PTN: variants seen among roughly 807,000 people sequenced by gnomAD.
PTN encodes pleiotrophin, also known as heparin affin regulatory protein.
A neutral mutation model predicts 24.1 loss-of-function variants in PTN; 18 were observed. The ratio of observed to expected loss-of-function variants is 0.75; its 90% CI spans 0.52 to 1.11. PTN has a LOEUF of 1.11. Among genes scored for constraint, PTN ranks in the 50% least tolerant of loss-of-function variants. PTN has a pLI of 0.00. For synonymous variants in PTN, 78 were observed against 68.6 expected, an observed-to-expected ratio of 1.14 and a Z score of -0.67; for missense variants, 163 against 198.8, an observed-to-expected ratio of 0.82 and a Z score of 1.08.
At chr7:137,251,153 C>T (rs1308358594) in intron 4 of PTN, 77 bp downstream of exon 4, 1 of 1,507,772 alleles carries the variant, frequency 6.6e-7, no homozygotes, top group African/African-American at 1.4e-5. Flanking sequence ...ATATTTCCTT[C>T]TGGAAAATGT....
At chr7:137,309,715 T>C (rs998919808) in intron 1 of PTN, among the ~76,000 whole-genome samples, 1 of 152,222 alleles carries the variant, frequency 6.6e-6, no homozygotes, top group Non-Finnish European at 1.5e-5. Context: ...ACTCCTCATC[T>C]GTTCAAGTTT....
In PTN at chr7:137,266,072, G is replaced by T. The variant is rs557909879; in HGVS notation, c.-1-11098C>A. Among the ~76,000 whole-genome samples, 5 of 152,110 alleles carry T rather than the reference G, an allele frequency of 3.3e-5. No homozygotes were observed. The South Asian group carries it at 1.0e-3, about 32-fold the overall frequency. ...TAGACATATTTATCTAATTTTTAAT[G>T]TTTGATCATAAGTAAGATTTTATAG... On this transcript the variant is annotated intron_variant, in intron 1 of 4. Transcript: ENST00000348225.
chr7:137,260,104 C>G (rs1268340767), intron 1 of PTN, among the ~76,000 whole-genome samples: 1 of 152,040 alleles, frequency 6.6e-6, no homozygotes, highest in African/African-American at 2.4e-5. Flanking sequence ...TGTCTCTGCC[C>G]TTTGTCAATA....
chr7:137,268,607 A>G lies in PTN; in HGVS notation c.-1-13633T>C, dbSNP rs538322992. 2.6e-5 allele frequency among the ~76,000 whole-genome samples: 4 copies of G among 152,344 alleles called. No individual in the cohort carries two copies. The South Asian group carries it at 8.3e-4, about 32-fold the overall frequency. Reference sequence around the variant, plus strand: ...AACAGAACAGAACGGGAGGTTTCACAGTGTCCTTCCATACAATGTCTGGAA... The same window carrying G: ...AACAGAACAGAACGGGAGGTTTCACGGTGTCCTTCCATACAATGTCTGGAA... On this transcript the variant is annotated intron_variant, in intron 1 of 4. Transcript: ENST00000348225.
intron 4 of PTN, among the ~76,000 whole-genome samples, chr7:137,249,603 C>A (rs1380904236): frequency 6.6e-6 from 1 of 152,054 alleles, no homozygotes; most frequent in Non-Finnish European, 1.5e-5. Flanking sequence ...TACAGCTGGA[C>A]TAAAAATAAA....
In PTN at chr7:137,228,106, G is replaced by C. The variant is rs771635810; in HGVS notation, c.452-31C>G. On this transcript the variant is annotated intron_variant, in intron 4 of 4. Transcript: ENST00000348225. Reference sequence around the variant, plus strand: ...ATTACAAAAAAGAGAGACAGAAAGAGAGAAAGAGAAAAATGTCAAGTTACT... The same window carrying C: ...ATTACAAAAAAGAGAGACAGAAAGACAGAAAGAGAAAAATGTCAAGTTACT... 4 of 1,362,734 alleles carry C rather than the reference G, an allele frequency of 2.9e-6. No homozygotes were observed. The African/African-American group carries it at 4.4e-5, about 15-fold the overall frequency. 84.4% of individuals were successfully genotyped at this position (1,362,734 alleles called of 1,614,324 possible). A position where few individuals can be genotyped will look rare whatever the true frequency, so the allele number is the denominator to read the frequency against.
intron 1 of PTN, among the ~76,000 whole-genome samples, chr7:137,340,511 G>A (rs1013546260): frequency 6.6e-6 from 1 of 152,134 alleles, no homozygotes; most frequent in African/African-American, 2.4e-5. Flanking sequence ...ACGAGGCCAT[G>A]GCCCAAATTC....
At chr7:137,259,278 T>G (rs931169008) in intron 1 of PTN, among the ~76,000 whole-genome samples, 1 of 152,104 alleles carries the variant, frequency 6.6e-6, no homozygotes, top group African/African-American at 2.4e-5. Flanking sequence ...TTCAAGATGG[T>G]AATATCTAAA....
chr7:137,309,520 A>G (rs1809946610), intron 1 of PTN, among the ~76,000 whole-genome samples: 3 of 152,160 alleles, frequency 2.0e-5, no homozygotes, highest in Admixed American at 6.5e-5. Flanking sequence ...GTGTTTGATA[A>G]CATTTTACCC....
chr7:137,240,252 G>C (rs983675420), intron 4 of PTN, among the ~76,000 whole-genome samples: 5 of 152,122 alleles, frequency 3.3e-5, no homozygotes, highest in Non-Finnish European at 5.9e-5. Context: ...CAGTCAGAGG[G>C]AAGGAACCGT....
intron 1 of PTN, among the ~76,000 whole-genome samples, chr7:137,331,796 T>C (rs1810363917): frequency 1.3e-5 from 2 of 152,198 alleles, no homozygotes; most frequent in South Asian, 4.1e-4. Context: ...CTTAGATATA[T>C]GGAAGGGTCC....
chr7:137,252,201 G>T (rs931023466), intron 3 of PTN, among the ~76,000 whole-genome samples: 1 of 151,850 alleles, frequency 6.6e-6, no homozygotes, highest in Non-Finnish European at 1.5e-5. Context: ...ATTTCGTCTT[G>T]TCACTATTTT....
intron 4 of PTN, chr7:137,236,265 C>T: frequency 1.4e-6 from 1 of 702,222 alleles, no homozygotes; most frequent in Non-Finnish European, 2.6e-6. Flanking sequence ...ATTGAGATAT[C>T]TATAGCTTCT....
chr7:137,306,004 T>G (rs554636341), intron 1 of PTN, among the ~76,000 whole-genome samples: 1 of 152,098 alleles, frequency 6.6e-6, no homozygotes, highest in African/African-American at 2.4e-5. Context: ...CCCTTATAAT[T>G]CTACAGATTC....
chr7:137,258,226 G>A (rs1469634494), intron 1 of PTN, among the ~76,000 whole-genome samples: 4 of 152,102 alleles, frequency 2.6e-5, no homozygotes, highest in Non-Finnish European at 5.9e-5. Context: ...ACTGAAATAT[G>A]AGCTGACTGG....
intron 1 of PTN, among the ~76,000 whole-genome samples, chr7:137,313,533 C>G (rs867126602): frequency 6.6e-6 from 1 of 152,174 alleles, no homozygotes; most frequent in Admixed American, 6.5e-5. Flanking sequence ...AGCTCTCCCC[C>G]TTAATCGATC....
chr7:137,299,700 C>T (rs1809775604), intron 1 of PTN, among the ~76,000 whole-genome samples: 1 of 151,952 alleles, frequency 6.6e-6, no homozygotes, highest in South Asian at 2.1e-4. Flanking sequence ...TTTCCTGACT[C>T]CTCACCCCTA....
chr7:137,303,162 T>C (rs959031598), intron 1 of PTN, among the ~76,000 whole-genome samples: 1 of 152,006 alleles, frequency 6.6e-6, no homozygotes, highest in Non-Finnish European at 1.5e-5. Flanking sequence ...AAGAGTTTAC[T>C]TGCAAGATTT....
At chr7:137,331,738 A>G (rs1021198226) in intron 1 of PTN, among the ~76,000 whole-genome samples, 2 of 152,320 alleles carry the variant, frequency 1.3e-5, no homozygotes, top group Middle Eastern at 3.4e-3. Context: ...GTTAGATCCA[A>G]CCTGGGTGGG....
Sources: allele counts gnomAD v4.1 joint callset (sites outside exome capture counted in the v4.1 genomes callset), GRCh38; gene constraint gnomAD v4.1.1; transcripts MANE v1.5; gene names NCBI Gene and HGNC (gene_info 2026-07-23, HGNC 2026-07-21).